Variants in FAT3 observed in about 807,000 individuals in gnomAD.
FAT3 encodes the protein protocadherin Fat 3.
In FAT3, 95 loss-of-function variants were observed where a neutral mutation model predicts 310.2. The observed-to-expected ratio is 0.31, with a 90% CI of 0.26 to 0.36. The LOEUF (loss-of-function observed/expected upper bound fraction) is 0.36, where lower values mean the gene tolerates loss of function less well. Ranked by LOEUF, FAT3 falls within the 10% of genes least tolerant of loss-of-function variation. The pLI is 1.00. For missense variants in FAT3, 5,408 were observed against 5,715.6 expected, an observed-to-expected ratio of 0.95 and a Z score of 1.74; for synonymous variants, 2,314 against 2,192.9, an observed-to-expected ratio of 1.06 and a Z score of -1.54.
At chr11:92,614,239 A>G (rs542397567) in intron 3 of FAT3, among the ~76,000 whole-genome samples, 2 of 152,178 alleles carry the variant, frequency 1.3e-5, no homozygotes, top group Admixed American at 6.5e-5. Flanking sequence ...GTGAATACAT[A>G]TTTTCATTTG....
chr11:92,315,498 T>TATAC (rs1408889037), intron 1 of FAT3, among the ~76,000 whole-genome samples: 5 of 92,104 alleles, frequency 5.4e-5, no homozygotes, highest in East Asian at 3.1e-4. Flanking sequence ...TATATATATA[T>TATAC]ATATATATAT....
intron 2 of FAT3, among the ~76,000 whole-genome samples, chr11:92,479,009 GT>G (rs1305954654): frequency 9.7e-6 from 1 of 102,816 alleles, no homozygotes. Context: ...GTTGTTTTTT[GT>G]TTTTTTTTAG....
At chr11:92,631,364 T>C (rs1941551084) in intron 3 of FAT3, among the ~76,000 whole-genome samples, 1 of 152,132 alleles carries the variant, frequency 6.6e-6, no homozygotes, top group African/African-American at 2.4e-5. Context: ...GTGATATGGT[T>C]TGGCTGTGTG....
intron 3 of FAT3, among the ~76,000 whole-genome samples, chr11:92,603,301 T>G (rs1940117810): frequency 6.6e-6 from 1 of 152,200 alleles, no homozygotes; most frequent in South Asian, 2.1e-4. Flanking sequence ...AACTTCTGCT[T>G]CTTTTGGAGA....
chr11:92,725,733 G>A (rs545113648), intron 4 of FAT3, among the ~76,000 whole-genome samples: 96 of 152,190 alleles, frequency 6.3e-4, no homozygotes, highest in Middle Eastern at 3.4e-3. Flanking sequence ...ACTAACATCA[G>A]CTGATAAAGA....
At chr11:92,691,949 G>T (rs907098683) in intron 3 of FAT3, among the ~76,000 whole-genome samples, 2 of 151,924 alleles carry the variant, frequency 1.3e-5, no homozygotes, top group Admixed American at 1.3e-4. Flanking sequence ...TGTTTAATAT[G>T]GTGCCTGGCA....
At chr11:92,577,784 A>C (rs911631777) in intron 3 of FAT3, among the ~76,000 whole-genome samples, 5 of 152,106 alleles carry the variant, frequency 3.3e-5, no homozygotes, top group African/African-American at 1.2e-4. Context: ...TACTTGGCCT[A>C]TTCCAAAGGA....
chr11:92,819,220 A>T (rs1947898641), intron 13 of FAT3, among the ~76,000 whole-genome samples: 1 of 152,226 alleles, frequency 6.6e-6, no homozygotes, highest in African/African-American at 2.4e-5. Flanking sequence ...TAGTGATGCT[A>T]TAGTCAAGGG....
intron 3 of FAT3, 46 bp from the exon 4 acceptor site, chr11:92,697,338 G>T: frequency 6.3e-7 from 1 of 1,582,178 alleles, no homozygotes; most frequent in African/African-American, 1.3e-5. Context: ...TCAGTAAGCT[G>T]TTTGCCCCAG....
intron 7 of FAT3, among the ~76,000 whole-genome samples, chr11:92,778,727 TA>T (rs1267327350): frequency 2.0e-5 from 3 of 152,100 alleles, no homozygotes; most frequent in Non-Finnish European, 4.4e-5. Context: ...TAACTCTAGT[TA>T]AAAATTTCAG....
At chr11:92,397,062 T>C (rs930546454) in intron 2 of FAT3, among the ~76,000 whole-genome samples, 5 of 152,174 alleles carry the variant, frequency 3.3e-5, no homozygotes, top group Non-Finnish European at 7.4e-5. Context: ...GATTTGGTGA[T>C]AGTGCAGTTT....
At chr11:92,328,356 C>T (rs1947818315) in intron 1 of FAT3, among the ~76,000 whole-genome samples, 1 of 152,292 alleles carries the variant, frequency 6.6e-6, no homozygotes, top group East Asian at 1.9e-4. Flanking sequence ...TGAAAGGGAT[C>T]TCCAGTTGGT....
chr11:92,365,227 A>G (rs1948988877), intron 2 of FAT3, among the ~76,000 whole-genome samples: 1 of 152,158 alleles, frequency 6.6e-6, no homozygotes, highest in South Asian at 2.1e-4. Flanking sequence ...CCATGTTTGC[A>G]TGATTGCACT....
chr11:92,767,009 G>A (rs1565578389), intron 6 of FAT3: 1 of 152,254 alleles, frequency 6.6e-6, no homozygotes, highest in Non-Finnish European at 1.5e-5. Flanking sequence ...AACACTTGGG[G>A]AGGCTGAGGT....
chr11:92,481,428 C>A lies in FAT3; in HGVS notation c.3293-43206C>A, dbSNP rs185105987. Among the ~76,000 whole-genome samples the A allele has an allele frequency of 1.4e-3, 206 of 151,958 alleles. 1 individual carries two copies. The highest frequency in any genetic ancestry group is 4.8e-3 in the African/African-American group (197 of 41,458). On this transcript the variant is annotated intron_variant, in intron 2 of 27. Coordinates refer to ENST00000525166, the MANE Select transcript of FAT3 (RefSeq NM_001367949.2). ...TATATGGTTATAGGAAACATAAATT[C>A]AAGAAAATAGAGTATTACCTATATC...
intron 4 of FAT3, among the ~76,000 whole-genome samples, chr11:92,715,038 T>C (rs372745730): frequency 1.3e-5 from 2 of 151,882 alleles, no homozygotes; most frequent in African/African-American, 2.4e-5. Context: ...TTGGGACTTA[T>C]GAGGACAACT....
intron 4 of FAT3, among the ~76,000 whole-genome samples, chr11:92,744,951 G>T (rs192213018): frequency 6.6e-6 from 1 of 152,282 alleles, no homozygotes; most frequent in African/African-American, 2.4e-5. Context: ...CTGTTGAATT[G>T]CTGAGAGGAG....
intron 1 of FAT3, among the ~76,000 whole-genome samples, chr11:92,243,172 A>G (rs1329311722): frequency 1.3e-5 from 2 of 151,974 alleles, no homozygotes. Context: ...TCTTTTTTCC[A>G]CCTAAACAAG....
At chr11:92,762,467 A>G (rs946981808) in intron 5 of FAT3, among the ~76,000 whole-genome samples, 2 of 152,148 alleles carry the variant, frequency 1.3e-5, no homozygotes, top group African/African-American at 4.8e-5. Flanking sequence ...ATCATCCTCA[A>G]AGTGCTGAAC....
Sources: gnomAD v4.1 joint callset for allele counts (sites outside exome capture counted in the v4.1 genomes callset) on GRCh38, gnomAD v4.1.1 for gene constraint, MANE v1.5 for transcripts, NCBI Gene and HGNC (gene_info 2026-07-23, HGNC 2026-07-21) for gene names.